The following ADAMTS3 variants were observed in gnomAD, a reference collection of about 807,000 sequenced individuals.
The protein encoded by ADAMTS3 is ADAM metallopeptidase with thrombospondin type 1 motif 3, also known as A disintegrin and metalloproteinase with thrombospondin motifs 3.
A neutral mutation model predicts 129.0 loss-of-function variants in ADAMTS3; 73 were observed. That is an observed-to-expected ratio of 0.57 (90% CI 0.47 to 0.69). ADAMTS3 has a LOEUF of 0.69. Ranked by LOEUF, ADAMTS3 falls within the 30% of genes least tolerant of loss-of-function variation. The probability of loss-of-function intolerance (pLI) is 0.00; values close to 1 mark genes in which losing one functional copy is unlikely to be tolerated. For synonymous variants in ADAMTS3, 477 were observed against 510.8 expected (o/e 0.93, Z 0.89); for missense variants, 1,457 against 1,514.5 (o/e 0.96, Z 0.63).
intron 4 of ADAMTS3, among the ~76,000 whole-genome samples, chr4:72,341,427 A>C (rs2109833747): frequency 6.6e-6 from 1 of 152,314 alleles, no homozygotes; most frequent in South Asian, 2.1e-4. Context: ...TTTCCTCAAA[A>C]GTTTTCAAGA....
intron 2 of ADAMTS3, among the ~76,000 whole-genome samples, chr4:72,559,820 T>C (rs1043925524): frequency 6.6e-6 from 1 of 151,772 alleles, no homozygotes; most frequent in Non-Finnish European, 1.5e-5. Context: ...ATTGACATTA[T>C]TCACAGAATT....
At chr4:72,483,002 C>A (rs1001939361) in intron 3 of ADAMTS3, among the ~76,000 whole-genome samples, 26 of 152,108 alleles carry the variant, frequency 1.7e-4, no homozygotes, top group African/African-American at 6.3e-4. Context: ...AGGCCAGTTC[C>A]CCAACCTGAA....
At chr4:72,511,514 G>A (rs141354772) in intron 3 of ADAMTS3, among the ~76,000 whole-genome samples, 102 of 152,232 alleles carry the variant, frequency 6.7e-4, no homozygotes, top group Admixed American at 1.1e-3. Flanking sequence ...ATACGAAAAC[G>A]TGCTCAACAT....
intron 3 of ADAMTS3, among the ~76,000 whole-genome samples, chr4:72,473,565 A>AC (rs1212537901): frequency 6.6e-6 from 1 of 151,988 alleles, no homozygotes; most frequent in Non-Finnish European, 1.5e-5. Flanking sequence ...AAAAAAAAAA[A>AC]AAACACGGTC....
intron 19 of ADAMTS3, 103 bp downstream of exon 19, chr4:72,295,551 T>C: frequency 4.0e-6 from 5 of 1,234,958 alleles, no homozygotes; most frequent in Middle Eastern, 2.0e-4. Flanking sequence ...AAACCATGTC[T>C]ATATAGAGCT....
At chr4:72,541,279 T>C (rs1085941) in intron 3 of ADAMTS3, among the ~76,000 whole-genome samples, 49,820 of 152,076 alleles carry the variant, frequency 0.33, 8,688 homozygotes, top group East Asian at 0.44. Context: ...TGTAGCCCCT[T>C]TGTTTTGGCC....
intron 3 of ADAMTS3, among the ~76,000 whole-genome samples, chr4:72,435,095 T>C (rs915833582): frequency 6.6e-6 from 1 of 151,854 alleles, no homozygotes; most frequent in African/African-American, 2.4e-5. Context: ...AAAGACATAG[T>C]TTCTAACCAT....
chr4:72,421,761 T>C (rs955278922), intron 3 of ADAMTS3, among the ~76,000 whole-genome samples: 1 of 152,078 alleles, frequency 6.6e-6, no homozygotes, highest in Non-Finnish European at 1.5e-5. Flanking sequence ...CCATTAGAGG[T>C]AGATTCTTCT....
intron 3 of ADAMTS3, among the ~76,000 whole-genome samples, chr4:72,479,205 T>C (rs1181293688): frequency 6.6e-5 from 10 of 152,136 alleles, no homozygotes; most frequent in Admixed American, 4.6e-4. Flanking sequence ...TTAAAGTTCA[T>C]AGGGAACCAA....
intron 4 of ADAMTS3, among the ~76,000 whole-genome samples, chr4:72,382,935 T>C (rs867036189): frequency 2.0e-5 from 3 of 152,138 alleles, no homozygotes; most frequent in Admixed American, 6.5e-5. Flanking sequence ...ATGTTCACTA[T>C]TGGAGTGATG....
chr4:72,507,106 T>A (rs1176286957), intron 3 of ADAMTS3, among the ~76,000 whole-genome samples: 1 of 152,212 alleles, frequency 6.6e-6, no homozygotes, highest in Non-Finnish European at 1.5e-5. Context: ...TATGTGTGAA[T>A]GTGTATATCT....
At position 72,494,003 on chromosome 4, in the gene ADAMTS3, A is replaced by G. The variant is rs183082910; in HGVS notation, c.504+54475T>C. On this transcript the variant is annotated intron_variant, in intron 3 of 21. Coordinates refer to ENST00000286657, the MANE Select transcript of ADAMTS3 (RefSeq NM_014243.3). ...TTTCTCTTGCTGCTTTCAAAATTCT[A>G]TCTTTGTCTTTGACATTTGACAATT... Among the ~76,000 whole-genome samples, 48 of 152,172 alleles carry G rather than the reference A, an allele frequency of 3.2e-4. No homozygotes were observed. The East Asian group carries it at 7.5e-3, about 24-fold the overall frequency.
intron 18 of ADAMTS3, among the ~76,000 whole-genome samples, chr4:72,296,374 C>T (rs1718808618): frequency 6.6e-6 from 1 of 151,986 alleles, no homozygotes. Context: ...TGAAAGCCTT[C>T]AGTGTCTAAC....
intron 3 of ADAMTS3, among the ~76,000 whole-genome samples, chr4:72,437,044 A>C (rs1717956764): frequency 6.6e-6 from 1 of 151,824 alleles, no homozygotes; most frequent in Admixed American, 6.6e-5. Context: ...ATGTTGAATG[A>C]ATGGGTGAAC....
chr4:72,308,692 A>G (rs894578516), intron 15 of ADAMTS3, among the ~76,000 whole-genome samples: 1 of 152,112 alleles, frequency 6.6e-6, no homozygotes, highest in South Asian at 2.1e-4. Flanking sequence ...TTTTATGAAA[A>G]TTCCAATGAA....
intron 15 of ADAMTS3, among the ~76,000 whole-genome samples, chr4:72,308,338 T>C (rs1385182421): frequency 6.6e-6 from 1 of 151,954 alleles, no homozygotes; most frequent in Admixed American, 6.6e-5. Flanking sequence ...TCCTAGTAAT[T>C]GAGTTAGGTA....
At chr4:72,453,724 G>C (rs1479712980) in intron 3 of ADAMTS3, among the ~76,000 whole-genome samples, 1 of 151,506 alleles carries the variant, frequency 6.6e-6, no homozygotes, top group Non-Finnish European at 1.5e-5. Flanking sequence ...ATTTTTTTCT[G>C]TATTTGTGAT....
chr4:72,542,034 T>C (rs1466438017), intron 3 of ADAMTS3, among the ~76,000 whole-genome samples: 1 of 152,228 alleles, frequency 6.6e-6, no homozygotes, highest in Non-Finnish European at 1.5e-5. Context: ...GGTTAAACTT[T>C]CCTTAAACAT....
Position 72,313,801 on chromosome 4 carries a change from T to C in ADAMTS3, c.1621A>G (p.Met541Val). ...AGKWCYKGHC[M>V]WKNANQQKQD... ...TTTTGCTGATTAGCATTCTTCCACA[T>C]GCAATGACCCTTATAGCACCACTTA... Residue 541 changes from methionine to valine, a missense_variant, in exon 12 of 22, where the codon ATG becomes GTG. Transcript: ENST00000286657. 3.1e-6 allele frequency: 5 copies of C among 1,613,776 alleles called. No homozygotes were observed. Among genetic ancestry groups the C allele is most frequent in the Non-Finnish European group, 4.2e-6 (5 of 1,179,802 alleles).
Sources: allele counts gnomAD v4.1 joint callset (sites outside exome capture counted in the v4.1 genomes callset), GRCh38; gene constraint gnomAD v4.1.1; transcripts MANE v1.5; gene names NCBI Gene and HGNC (gene_info 2026-07-23, HGNC 2026-07-21).